The following GLT8D2 variants were observed in gnomAD, a reference collection of about 807,000 sequenced individuals.
GLT8D2 encodes glycosyltransferase 8 domain containing 2.
GLT8D2 carries 45 observed loss-of-function variants against 44.5 expected under a neutral mutation model. The observed-to-expected ratio is 1.01, with a 90% CI of 0.80 to 1.30. The LOEUF (loss-of-function observed/expected upper bound fraction) is 1.30, where lower values mean the gene tolerates loss of function less well. Among genes scored for constraint, GLT8D2 ranks in the 50% most tolerant of loss-of-function variants. The pLI is 0.00. For missense variants in GLT8D2, 400 were observed against 430.4 expected (o/e 0.93, Z 0.62); for synonymous variants, 156 against 157.2 (o/e 0.99, Z 0.06).
Position 104,042,582 on chromosome 12 carries a change from A to T in GLT8D2, c.-164+7313T>A, listed in dbSNP as rs115422534. Among the ~76,000 whole-genome samples, 1,338 of 152,294 alleles carry T rather than the reference A, an allele frequency of 8.8e-3. 24 individuals are homozygous for T. Among genetic ancestry groups the T allele is most frequent in the African/African-American group, 0.03 (1,258 of 41,542 alleles). ...GGGAATTAAGAGAGGGATCAGAGTT[A>T]TAAAGAGGTAGAAAACTGATAGGAA... On this transcript the variant is annotated intron_variant, in intron 1 of 10. Coordinates refer to ENST00000360814, the MANE Select transcript of GLT8D2 (RefSeq NM_001384711.1).
intron 1 of GLT8D2, among the ~76,000 whole-genome samples, chr12:104,044,686 A>C (rs1880898788): frequency 6.6e-6 from 1 of 151,868 alleles, no homozygotes; most frequent in Non-Finnish European, 1.5e-5. Flanking sequence ...ATTTCTGTAC[A>C]CTGCCCTTCC....
At chr12:104,005,894 G>A (rs751866353) in intron 4 of GLT8D2, among the ~76,000 whole-genome samples, 27 of 152,154 alleles carry the variant, frequency 1.8e-4, no homozygotes, top group African/African-American at 6.0e-4. Context: ...TATATACCCA[G>A]AGGATTATAA....
chr12:104,060,163 G>C (rs1882508024), intron 1 of GLT8D2, among the ~76,000 whole-genome samples: 1 of 151,908 alleles, frequency 6.6e-6, no homozygotes, highest in Admixed American at 6.5e-5. Context: ...TTTGCCTGTG[G>C]CTTCTTTGAC....
intron 1 of GLT8D2, chr12:104,049,552 A>C (rs943584471): frequency 2.0e-5 from 3 of 152,208 alleles, no homozygotes; most frequent in Admixed American, 1.3e-4. Flanking sequence ...CCTTCATTAA[A>C]TAATAGCATT....
intron 8 of GLT8D2, among the ~76,000 whole-genome samples, chr12:103,995,842 C>A (rs1183734963): frequency 6.6e-6 from 1 of 152,206 alleles, no homozygotes; most frequent in East Asian, 1.9e-4. Flanking sequence ...ACTTTCTATA[C>A]ACCAGGCCCT....
chr12:103,990,449 C>T (rs1872620693), intron 10 of GLT8D2, among the ~76,000 whole-genome samples: 1 of 152,046 alleles, frequency 6.6e-6, no homozygotes, highest in African/African-American at 2.4e-5. Flanking sequence ...CTAACAGTGC[C>T]ATTGCTTAGA....
upstream of GLT8D2, chr12:104,064,290 G>T: frequency 2.6e-6 from 1 of 379,650 alleles, no homozygotes; most frequent in Non-Finnish European, 4.7e-6. The surrounding 1 kb of genome is among the most constrained non-coding windows in gnomAD (Gnocchi z 7.3). Context: ...GGTGGGGATG[G>T]GAGACGTGGT....
intron 8 of GLT8D2, among the ~76,000 whole-genome samples, chr12:103,995,114 C>T (rs896525546): frequency 6.6e-6 from 1 of 152,160 alleles, no homozygotes; most frequent in Non-Finnish European, 1.5e-5. Context: ...ACACTGCTAC[C>T]TTCCTGTTCA....
intron 1 of GLT8D2, among the ~76,000 whole-genome samples, chr12:104,021,944 A>AGAAGAG (rs1877824508): frequency 4.3e-5 from 1 of 23,102 alleles, no homozygotes. Context: ...AAGAAGAAGA[A>AGAAGAG]GAAGAAGAAG....
At chr12:103,994,228 C>T in intron 9 of GLT8D2, 107 bp downstream of exon 9, 1 of 1,069,476 alleles carries the variant, frequency 9.4e-7, no homozygotes, top group Non-Finnish European at 1.3e-6. Flanking sequence ...GAAAATCTGA[C>T]CTGAGATGAC....
Position 103,997,447 on chromosome 12 carries a change from G to C in GLT8D2, c.487+4C>G. ...CAAGTGTTCTTGGCAGTTAGCGAGA[G>C]TACCTTGTACAATTACATCATCGTC... On this transcript the variant is annotated splice_donor_region_variant and intron_variant, in intron 7 of 10. Coordinates refer to ENST00000360814, the MANE Select transcript of GLT8D2 (RefSeq NM_001384711.1). 1 of 1,600,466 alleles carries C rather than the reference G, an allele frequency of 6.2e-7. No individual in the cohort carries two copies. Among genetic ancestry groups the C allele is most frequent in the Non-Finnish European group, 8.6e-7 (1 of 1,167,604 alleles).
upstream of GLT8D2, among the ~76,000 whole-genome samples, chr12:104,054,027 T>A (rs1354239527): frequency 6.6e-6 from 1 of 152,214 alleles, no homozygotes; most frequent in East Asian, 1.9e-4. Context: ...GGTGTTGACT[T>A]GATATGCATG....
rs567350560 is a variant in GLT8D2, at chr12:104,062,466, G to A, written c.-423+1483C>T. The stretch of plus-strand genomic sequence containing the variant: ...AAGCATGCTGAGGTTTAAGGGAGTT[G>A]GGTGAATGAGGCATATAAGAGAAAT... On this transcript the variant is annotated intron_variant, in intron 1 of 10. Coordinates refer to the GLT8D2 transcript ENST00000548660. Among the ~76,000 whole-genome samples, 3 of 152,278 alleles carry A rather than the reference G, an allele frequency of 2.0e-5. No homozygotes were observed. In the South Asian group the frequency reaches 6.2e-4, roughly 32 times the overall value.
At chr12:104,016,767 GAAA>G (rs1566199617) in intron 3 of GLT8D2, among the ~76,000 whole-genome samples, 47 of 87,530 alleles carry the variant, frequency 5.4e-4, no homozygotes, top group African/African-American at 1.9e-3. Context: ...AAGAAAGAAA[GAAA>G]GAAAGAAGGA....
At chr12:103,992,763 A>C (rs1243817266) in intron 10 of GLT8D2, among the ~76,000 whole-genome samples, 8 of 152,124 alleles carry the variant, frequency 5.3e-5, no homozygotes, top group Admixed American at 5.2e-4. Flanking sequence ...AAGTGCTGGG[A>C]TTACAAGCGT....
intron 1 of GLT8D2, among the ~76,000 whole-genome samples, chr12:104,025,194 T>C (rs989782974): frequency 4.2e-4 from 64 of 152,026 alleles, no homozygotes; most frequent in Admixed American, 3.9e-3. Context: ...ATTTTGATGA[T>C]GTCAAATTCA....
At chr12:104,049,810 G>A (rs369937552) in intron 1 of GLT8D2, 85 bp downstream of exon 1, 3 of 152,090 alleles carry the variant, frequency 2.0e-5, no homozygotes, top group Non-Finnish European at 4.4e-5. Context: ...TACTTTCTTG[G>A]GTCTGTAGCA....
chr12:104,053,170 C>A (rs1434479026), upstream of GLT8D2, among the ~76,000 whole-genome samples: 1 of 152,150 alleles, frequency 6.6e-6, no homozygotes, highest in Non-Finnish European at 1.5e-5. Context: ...TGACACCTGC[C>A]CAGTGCAATT....
At chr12:104,021,876 GAA>G (rs1877713829) in intron 1 of GLT8D2, among the ~76,000 whole-genome samples, 1 of 25,682 alleles carries the variant, frequency 3.9e-5, no homozygotes, top group Non-Finnish European at 6.5e-5. Context: ...GAAAGAAGAA[GAA>G]GAAGAAGAAG....
Sources: gnomAD v4.1 joint callset for allele counts (sites outside exome capture counted in the v4.1 genomes callset) on GRCh38, gnomAD v4.1.1 for gene constraint, Gnocchi (gnomAD v3.1) non-coding constraint, MANE v1.5 for transcripts, NCBI Gene and HGNC (gene_info 2026-07-23, HGNC 2026-07-21) for gene names.